Variants in KCNIP4 observed in about 807,000 individuals in gnomAD.
KCNIP4 encodes Kv channel-interacting protein 4.
Under a neutral mutation model 34.0 loss-of-function variants are expected in KCNIP4, and 12 were observed. The observed-to-expected ratio is 0.35, with a 90% confidence interval of 0.23 to 0.57. The LOEUF is 0.57. KCNIP4 is among the 20% of genes least tolerant of loss of function. KCNIP4 has a pLI of 0.83. For synonymous variants in KCNIP4, 124 were observed against 102.2 expected, an observed-to-expected ratio of 1.21 and a Z score of -1.29; for missense variants, 238 against 311.7, an observed-to-expected ratio of 0.76 and a Z score of 1.78.
intron 1 of KCNIP4, among the ~76,000 whole-genome samples, chr4:21,191,667 T>C (rs1755655860): frequency 6.6e-6 from 1 of 152,218 alleles, no homozygotes; most frequent in Admixed American, 6.5e-5. Context: ...GAACAATCTC[T>C]TACAGATAAG....
chr4:21,612,157 A>T (rs1503996), intron 1 of KCNIP4, among the ~76,000 whole-genome samples: 132,441 of 152,120 alleles, frequency 0.87, 57,907 homozygotes, highest in East Asian at 0.99. Context: ...GATTTTTTTT[A>T]AAAAAAGGAG....
intron 1 of KCNIP4, among the ~76,000 whole-genome samples, chr4:21,471,990 A>C (rs980578799): frequency 4.6e-5 from 7 of 152,210 alleles, no homozygotes; most frequent in African/African-American, 1.7e-4. Flanking sequence ...ACTGAAATGT[A>C]TCTGCATCTT....
At chr4:21,523,051 A>G (rs1215531459) in intron 1 of KCNIP4, among the ~76,000 whole-genome samples, 1 of 151,256 alleles carries the variant, frequency 6.6e-6, no homozygotes, top group Non-Finnish European at 1.5e-5. Context: ...AAAGGGGGGG[A>G]CACTATTCAC....
At chr4:21,695,322 C>CA (rs1216514680) in intron 1 of KCNIP4, among the ~76,000 whole-genome samples, 2 of 151,966 alleles carry the variant, frequency 1.3e-5, no homozygotes, top group Non-Finnish European at 2.9e-5. Context: ...AGAATTTTTA[C>CA]AAGAAACAGG....
At position 21,636,308 on chromosome 4, in the gene KCNIP4, A is replaced by T. The variant is rs868540694; in HGVS notation, c.61+312263T>A. On this transcript the variant is annotated intron_variant, in intron 1 of 8. Coordinates refer to ENST00000382152, the MANE Select transcript of KCNIP4 (RefSeq NM_025221.6). ...AGTATAATAAAAAAAAAGGAAAAAA[A>T]AAAAAGAAAGAATCTGATATAAATT... 8.7e-4 allele frequency among the ~76,000 whole-genome samples: 133 copies of T among 152,234 alleles called. 2 individuals are homozygous for T. The highest frequency in any genetic ancestry group is 3.4e-3 in the Middle Eastern group (1 of 294).
intron 1 of KCNIP4, among the ~76,000 whole-genome samples, chr4:21,201,574 C>T (rs1756497369): frequency 6.6e-6 from 1 of 152,232 alleles, no homozygotes; most frequent in Non-Finnish European, 1.5e-5. Context: ...TCTCGGCTCA[C>T]TGCAAGCTCC....
chr4:21,837,564 GAA>G (rs1234322501), intron 1 of KCNIP4, among the ~76,000 whole-genome samples: 1 of 110,366 alleles, frequency 9.1e-6, no homozygotes, highest in East Asian at 3.1e-4. Flanking sequence ...GAAAAAGAAA[GAA>G]AGAAAAGAAA....
intron 1 of KCNIP4, among the ~76,000 whole-genome samples, chr4:21,349,408 C>T (rs767319866): frequency 2.0e-5 from 3 of 152,140 alleles, no homozygotes; most frequent in East Asian, 3.9e-4. Context: ...ATAGAGGAGT[C>T]GCTGGAGACA....
chr4:21,414,387 T>C (rs1031161308), intron 1 of KCNIP4, among the ~76,000 whole-genome samples: 2 of 152,192 alleles, frequency 1.3e-5, no homozygotes, highest in African/African-American at 4.8e-5. Flanking sequence ...CAATGACTTA[T>C]CACCTCACAT....
At chr4:21,574,529 G>A (rs578175169) in intron 1 of KCNIP4, among the ~76,000 whole-genome samples, 13 of 152,074 alleles carry the variant, frequency 8.5e-5, no homozygotes, top group South Asian at 2.1e-4. Context: ...GGAGATGTTC[G>A]GCAGCCTTTT....
intron 1 of KCNIP4, among the ~76,000 whole-genome samples, chr4:21,673,461 T>C (rs531272414): frequency 7.2e-4 from 110 of 152,286 alleles, no homozygotes; most frequent in African/African-American, 2.5e-3. Context: ...TTAATTATGA[T>C]GGCAGAAAGT....
At chr4:21,906,475 A>C (rs904487043) in intron 1 of KCNIP4, among the ~76,000 whole-genome samples, 17 of 152,184 alleles carry the variant, frequency 1.1e-4, no homozygotes, top group Non-Finnish European at 2.2e-4. Context: ...GAGGCAAGGA[A>C]GTGTTCTCCC....
intron 1 of KCNIP4, among the ~76,000 whole-genome samples, chr4:21,386,106 A>G (rs1324116561): frequency 6.6e-6 from 1 of 152,206 alleles, no homozygotes; most frequent in African/African-American, 2.4e-5. Flanking sequence ...TGTAGAAACA[A>G]TAAAGAAATT....
At chr4:20,731,737 C>A in intron 8 of KCNIP4, 1 of 985,332 alleles carries the variant, frequency 1.0e-6, no homozygotes, top group African/African-American at 1.7e-5. Context: ...CATGAATACT[C>A]TCTAAGGAAT....
chr4:21,508,111 T>C (rs867968199), intron 1 of KCNIP4, among the ~76,000 whole-genome samples: 3 of 152,204 alleles, frequency 2.0e-5, no homozygotes, highest in Non-Finnish European at 2.9e-5. Flanking sequence ...CCCTTGAGGT[T>C]TGAATAGGTG....
At chr4:21,190,416 A>G (rs1755541470) in intron 1 of KCNIP4, among the ~76,000 whole-genome samples, 2 of 151,088 alleles carry the variant, frequency 1.3e-5, no homozygotes, top group Non-Finnish European at 2.9e-5. Context: ...TATGGAGGAG[A>G]GCACCGCCCA....
At chr4:21,182,790 T>A (rs1754937679) in intron 1 of KCNIP4, among the ~76,000 whole-genome samples, 1 of 152,130 alleles carries the variant, frequency 6.6e-6, no homozygotes, top group Admixed American at 6.6e-5. Flanking sequence ...TTATCATATG[T>A]AACATGATGT....
intron 1 of KCNIP4, among the ~76,000 whole-genome samples, chr4:21,600,964 T>G (rs10025434): frequency 0.88 from 132,934 of 151,634 alleles, 58,569 homozygotes; most frequent in East Asian, 0.99. Context: ...TCCCCTTTTG[T>G]CATTTAAAAA....
At position 21,943,325 on chromosome 4, in the gene KCNIP4, T is replaced by C. The variant is rs138926190; in HGVS notation, c.61+5246A>G. On this transcript the variant is annotated intron_variant, in intron 1 of 8. Transcript: ENST00000382152. ...CAAGAGAAGGACACTACATTTCAGA[T>C]GTGTCTTGATGGATATACAGATTTT... Among the ~76,000 whole-genome samples the C allele has an allele frequency of 5.3e-3, 805 of 152,258 alleles. 5 individuals carry two copies. The highest frequency in any genetic ancestry group is 5.1e-3 in the Non-Finnish European group (348 of 68,024).
Sources: allele counts gnomAD v4.1 joint callset (sites outside exome capture counted in the v4.1 genomes callset), GRCh38; gene constraint gnomAD v4.1.1; transcripts MANE v1.5; gene names NCBI Gene and HGNC (gene_info 2026-07-23, HGNC 2026-07-21).